The following PPP1CC variants were observed in gnomAD, a reference collection of about 807,000 sequenced individuals.
The protein encoded by PPP1CC is serine/threonine-protein phosphatase PP1-gamma catalytic subunit.
PPP1CC carries 16 observed loss-of-function variants against 38.4 expected under a neutral mutation model. The observed-to-expected ratio is 0.42, with a 90% CI of 0.28 to 0.63. The LOEUF (loss-of-function observed/expected upper bound fraction) is 0.63, where lower values mean the gene tolerates loss of function less well. PPP1CC is among the 30% of genes least tolerant of loss of function. The pLI is 0.25. For synonymous variants in PPP1CC, 158 were observed against 136.0 expected, an observed-to-expected ratio of 1.16 and a Z score of -1.13; for missense variants, 170 against 391.3, an observed-to-expected ratio of 0.43 and a Z score of 4.77.
At chr12:110,738,489 TTCACCA>T (rs1414097140) in intron 1 of PPP1CC, among the ~76,000 whole-genome samples, 2 of 152,238 alleles carry the variant, frequency 1.3e-5, no homozygotes, top group African/African-American at 4.8e-5. Context: ...ATTTCCCTGC[TTCACCA>T]TCAGGAATCC....
intron 1 of PPP1CC, among the ~76,000 whole-genome samples, chr12:110,735,724 G>A (rs1284692208): frequency 1.3e-5 from 2 of 151,770 alleles, no homozygotes. Flanking sequence ...GGAAGTTGCA[G>A]TGAGCCGAGA....
chr12:110,732,731 T>C (rs913063947), intron 1 of PPP1CC: 1 of 152,224 alleles, frequency 6.6e-6, no homozygotes, highest in African/African-American at 2.4e-5. Context: ...AAAGAAATCA[T>C]TGCACAGCAT....
At chr12:110,724,898 AATCTT>A in intron 3 of PPP1CC, 134 bp from the exon 4 acceptor site, 1 of 496,456 alleles carries the variant, frequency 2.0e-6, no homozygotes, top group Non-Finnish European at 3.7e-6. Flanking sequence ...TTTTATTAAG[AATCTT>A]AATAAAACCA....
chr12:110,715,172 C>T (rs117602152), downstream of PPP1CC, among the ~76,000 whole-genome samples: 103 of 152,070 alleles, frequency 6.8e-4, 2 homozygotes, highest in East Asian at 0.016. Flanking sequence ...GGAATACGCA[C>T]TTTTAAGTGA....
the PPP1CC span, among the ~76,000 whole-genome samples, chr12:110,709,972 A>G: frequency 7.0e-6 from 1 of 143,592 alleles, no homozygotes; most frequent in Non-Finnish European, 1.5e-5. Context: ...TAATAATAAT[A>G]ATAAAGGAAA....
At chr12:110,731,746 A>G (rs1285292444) in intron 2 of PPP1CC, 24 bp downstream of exon 2, 2 of 1,593,150 alleles carry the variant, frequency 1.3e-6, no homozygotes, top group Non-Finnish European at 1.7e-6. Context: ...GTAACAAAAG[A>G]TAACCTGTGT....
In PPP1CC at chr12:110,720,903, T is replaced by C; in HGVS notation, c.*173A>G. 1 of 526,884 alleles carries C rather than the reference T, an allele frequency of 1.9e-6. No homozygotes were observed. Among genetic ancestry groups the C allele is most frequent in the Non-Finnish European group, 3.4e-6 (1 of 295,388 alleles). 32.6% of individuals were successfully genotyped at this position (526,884 alleles called of 1,614,324 possible). ...ACTTTTCTTTTTGGAGTGAAGAGTC[T>C]TTCATTTGCTGTTATAACCAGCAAA... is the stretch of plus-strand genomic sequence containing the variant. On this transcript the variant is annotated 3_prime_UTR_variant, in exon 7 of 7. Coordinates refer to ENST00000335007, the MANE Select transcript of PPP1CC (RefSeq NM_002710.4).
At chr12:110,716,356 C>T (rs1310355515), downstream of PPP1CC, among the ~76,000 whole-genome samples, 4 of 145,320 alleles carry the variant, frequency 2.8e-5, no homozygotes, top group African/African-American at 1.0e-4. Flanking sequence ...TTAGTTTTAA[C>T]TTTTTTTTTT....
intron 1 of PPP1CC, among the ~76,000 whole-genome samples, chr12:110,736,191 T>A (rs991689192): frequency 6.6e-6 from 1 of 152,334 alleles, no homozygotes; most frequent in Middle Eastern, 3.4e-3. Flanking sequence ...TTTATCTGGC[T>A]AGAAAGGGAG....
At chr12:110,717,238 G>A (rs1173013701), downstream of PPP1CC, among the ~76,000 whole-genome samples, 1 of 152,174 alleles carries the variant, frequency 6.6e-6, no homozygotes, top group Admixed American at 6.5e-5. Flanking sequence ...GGGGCAGAGG[G>A]TGCCATGTTC....
chr12:110,710,003 TGA>T, the PPP1CC span, among the ~76,000 whole-genome samples: 14 of 147,600 alleles, frequency 9.5e-5, no homozygotes, highest in African/African-American at 3.3e-4. Context: ...CAATAGAACT[TGA>T]GATAAAAATG....
chr12:110,721,191 T>C (rs763225276), intron 6 of PPP1CC, 26 bp from the exon 7 acceptor site: 4 of 1,589,058 alleles, frequency 2.5e-6, no homozygotes, highest in African/African-American at 1.3e-5. Flanking sequence ...ACAGTTAATT[T>C]AGGAAATATA....
the PPP1CC span, among the ~76,000 whole-genome samples, chr12:110,710,394 A>C: frequency 6.8e-6 from 1 of 146,830 alleles, no homozygotes; most frequent in African/African-American, 2.7e-5. Flanking sequence ...CATTTCAAAA[A>C]TTTTCAAAAC....
At chr12:110,729,509 A>G (rs1333221639) in intron 3 of PPP1CC, among the ~76,000 whole-genome samples, 1 of 152,182 alleles carries the variant, frequency 6.6e-6, no homozygotes, top group African/African-American at 2.4e-5. Context: ...CAAAGCTTTA[A>G]GAACTGTGTT....
the PPP1CC span, among the ~76,000 whole-genome samples, chr12:110,712,635 C>CAAAAAA: frequency 5.3e-5 from 2 of 37,668 alleles, no homozygotes; most frequent in African/African-American, 1.2e-4. Context: ...GAAACTGTCT[C>CAAAAAA]AAAAAAAAAA....
At position 110,742,806 on chromosome 12, in the gene PPP1CC, C is replaced by T. The variant is rs1048115239; in HGVS notation, c.-99G>A. On this transcript the variant is annotated 5_prime_UTR_variant, in exon 1 of 7. Transcript: ENST00000335007. ...ACGCCACGAGCAGAGGCGGTGGTGGCGGCGGTGGCAGCAGCCGCGGCGGGT... is the reference window on the plus strand; with the variant it reads ...ACGCCACGAGCAGAGGCGGTGGTGGTGGCGGTGGCAGCAGCCGCGGCGGGT... 7 of 1,046,918 alleles carry T rather than the reference C, an allele frequency of 6.7e-6. No homozygotes were observed. The highest frequency in any genetic ancestry group is 4.3e-5 in the Admixed American group (1 of 23,406). The allele number at this position is 1,046,918 out of a possible 1,614,324, so 64.9% of individuals were successfully genotyped here.
At chr12:110,712,738 T>C in the PPP1CC span, among the ~76,000 whole-genome samples, 2 of 145,442 alleles carry the variant, frequency 1.4e-5, no homozygotes, top group Non-Finnish European at 3.0e-5. Context: ...ATCTGCAAAA[T>C]GCTTTTCTGA....
At chr12:110,729,192 CTTTTTTTTTTT>C (rs1026282471) in intron 3 of PPP1CC, among the ~76,000 whole-genome samples, 1 of 120,288 alleles carries the variant, frequency 8.3e-6, no homozygotes, top group Non-Finnish European at 1.7e-5. Flanking sequence ...ATTTTCAAAG[CTTTTTTTTTTT>C]TTTTTTTTTG....
At chr12:110,725,800 A>T (rs2069791782) in intron 3 of PPP1CC, 1 of 152,362 alleles carries the variant, frequency 6.6e-6, no homozygotes, top group South Asian at 2.1e-4. Flanking sequence ...GGTGGCTCAC[A>T]CCTGTAATCC....
Sources: gnomAD v4.1 joint callset for allele counts (sites outside exome capture counted in the v4.1 genomes callset) on GRCh38, gnomAD v4.1.1 for gene constraint, MANE v1.5 for transcripts, NCBI Gene and HGNC (gene_info 2026-07-23, HGNC 2026-07-21) for gene names.